Variants in EFNA5 observed in about 807,000 individuals in gnomAD.
EFNA5 encodes the protein ephrin-A5.
In EFNA5, 5 loss-of-function variants were observed where a neutral mutation model predicts 22.9. That is an observed-to-expected ratio of 0.22 (90% confidence interval 0.11 to 0.46). The LOEUF is 0.46. Ranked by LOEUF, EFNA5 falls within the 20% of genes least tolerant of loss-of-function variation. EFNA5 has a pLI of 0.99. For missense variants in EFNA5, 237 were observed against 293.3 expected (o/e 0.81, Z 1.40); for synonymous variants, 113 against 112.2 (o/e 1.01, Z -0.04).
Position 107,448,808 on chromosome 5 carries a change from T to C in EFNA5, c.126-21299A>G, listed in dbSNP as rs537007734. Among the ~76,000 whole-genome samples, 164 of 150,778 alleles carry C rather than the reference T, an allele frequency of 1.1e-3. 1 individual carries two copies. The highest frequency in any genetic ancestry group is 3.2e-3 in the African/African-American group (130 of 41,018). The stretch of plus-strand genomic sequence containing the variant: ...TCATGCCACTGCACTCCAGCCTGGG[T>C]GACAGTGTGAAACTCTGTCTCACAA... On this transcript the variant is annotated intron_variant, in intron 1 of 4. Coordinates refer to ENST00000333274, the MANE Select transcript of EFNA5 (RefSeq NM_001962.3).
intron 1 of EFNA5, among the ~76,000 whole-genome samples, chr5:107,541,896 T>G (rs2112460749): frequency 6.6e-6 from 1 of 152,358 alleles, no homozygotes; most frequent in African/African-American, 2.4e-5. Context: ...CTAAATTATT[T>G]TTGTATTGTA....
chr5:107,596,611 T>C (rs189755643), intron 1 of EFNA5, among the ~76,000 whole-genome samples: 252 of 152,262 alleles, frequency 1.7e-3, no homozygotes, highest in Middle Eastern at 0.01. Flanking sequence ...TGACTTTCCT[T>C]TTTTAAAAGT....
intron 1 of EFNA5, among the ~76,000 whole-genome samples, chr5:107,475,365 C>T (rs142478932): frequency 1.5e-4 from 23 of 152,250 alleles, no homozygotes; most frequent in African/African-American, 4.8e-4. Flanking sequence ...AAGTGTGAAA[C>T]GGCAGATGGT....
intron 1 of EFNA5, among the ~76,000 whole-genome samples, chr5:107,606,374 A>C (rs1749712915): frequency 6.6e-6 from 1 of 152,160 alleles, no homozygotes; most frequent in African/African-American, 2.4e-5. Context: ...TTCTCTTCCT[A>C]CTGGGTGAAT....
intron 2 of EFNA5, among the ~76,000 whole-genome samples, chr5:107,418,769 G>C (rs1292146015): frequency 6.6e-6 from 1 of 152,072 alleles, no homozygotes; most frequent in South Asian, 2.1e-4. Flanking sequence ...TAACTTTTAA[G>C]GCTCCTTTTG....
In EFNA5 at chr5:107,670,490, T is replaced by C; in HGVS notation, c.124A>G (p.Arg42Gly). The change falls in exon 1 of 5, where the codon AGA (arginine) becomes GGA (glycine). Residue 42 changes from arginine (R) to glycine (G), a missense_variant and splice_region_variant. Arg to Gly is a moderately radical substitution (Grantham distance 125). Coordinates refer to ENST00000333274, the MANE Select transcript of EFNA5 (RefSeq NM_001962.3). ...GCTCTCCGCCTGTTATCGGCTTACC[T>C]GGGGTTGCTGCTGTTCCAGTAGACA... ...YAVYWNSSNP[R>G]FQRGDYHIDV... The C allele has an allele frequency of 6.4e-7, 1 of 1,563,482 alleles. No individual in the cohort carries two copies. Among genetic ancestry groups the C allele is most frequent in the Non-Finnish European group, 8.7e-7 (1 of 1,152,876 alleles).
chr5:107,533,884 G>T (rs1747874252), intron 1 of EFNA5, among the ~76,000 whole-genome samples: 1 of 152,128 alleles, frequency 6.6e-6, no homozygotes, highest in South Asian at 2.1e-4. Context: ...ACAGTCATTA[G>T]ACAATAGTCA....
intron 1 of EFNA5, among the ~76,000 whole-genome samples, chr5:107,646,383 C>T (rs1466602888): frequency 2.0e-5 from 3 of 152,012 alleles, no homozygotes; most frequent in African/African-American, 7.2e-5. Flanking sequence ...ATACTATATG[C>T]TTAAAGGCAT....
intron 4 of EFNA5, among the ~76,000 whole-genome samples, chr5:107,382,557 G>A (rs1747498690): frequency 6.6e-6 from 1 of 152,024 alleles, no homozygotes; most frequent in Non-Finnish European, 1.5e-5. Flanking sequence ...AATTTTTAGA[G>A]AGACAGGGTT....
At chr5:107,415,908 G>C (rs1206351818) in intron 2 of EFNA5, among the ~76,000 whole-genome samples, 3 of 152,198 alleles carry the variant, frequency 2.0e-5, no homozygotes, top group Non-Finnish European at 4.4e-5. Flanking sequence ...ATGTTAACAA[G>C]CTGCAATGTT....
At chr5:107,494,745 C>A (rs765258104) in intron 1 of EFNA5, among the ~76,000 whole-genome samples, 43 of 152,184 alleles carry the variant, frequency 2.8e-4, no homozygotes, top group Admixed American at 5.9e-4. Flanking sequence ...TCTAGCTACT[C>A]TGGTGGGGCC....
chr5:107,440,981 A>G (rs1018669659), intron 1 of EFNA5, among the ~76,000 whole-genome samples: 1 of 151,550 alleles, frequency 6.6e-6, no homozygotes, highest in African/African-American at 2.4e-5. Flanking sequence ...TATCAAAATC[A>G]TACCCCATTT....
intron 1 of EFNA5, among the ~76,000 whole-genome samples, chr5:107,493,175 C>T (rs896452926): frequency 5.3e-5 from 8 of 150,822 alleles, no homozygotes; most frequent in Non-Finnish European, 8.9e-5. Context: ...TATTTGTTCA[C>T]TTTCTAGAGC....
intron 2 of EFNA5, among the ~76,000 whole-genome samples, chr5:107,412,847 T>C (rs1748405535): frequency 6.6e-6 from 1 of 152,214 alleles, no homozygotes; most frequent in South Asian, 2.1e-4. Context: ...TCTGCAAAGA[T>C]GGTAAGAAAA....
chr5:107,452,721 C>A (rs898732718), intron 1 of EFNA5, among the ~76,000 whole-genome samples: 1 of 152,050 alleles, frequency 6.6e-6, no homozygotes, highest in African/African-American at 2.4e-5. Context: ...CAGAATGAGA[C>A]CCTGTCTCAG....
intron 2 of EFNA5, among the ~76,000 whole-genome samples, chr5:107,391,042 C>T (rs1462040911): frequency 1.3e-5 from 2 of 152,104 alleles, no homozygotes; most frequent in Non-Finnish European, 1.5e-5. Context: ...ACTTGTAATC[C>T]CAGCTACTCG....
chr5:107,568,357 A>C (rs1024110832), intron 1 of EFNA5, among the ~76,000 whole-genome samples: 1 of 152,228 alleles, frequency 6.6e-6, no homozygotes, highest in Non-Finnish European at 1.5e-5. Flanking sequence ...AGAACAACCC[A>C]TGGGAAAGCC....
rs149028613 is a variant in EFNA5, at chr5:107,502,668, A to C, written c.126-75159T>G. Among the ~76,000 whole-genome samples, 435 of 152,300 alleles carry C rather than the reference A, an allele frequency of 2.9e-3. 5 individuals are homozygous for C. The highest frequency in any genetic ancestry group is 9.4e-3 in the African/African-American group (391 of 41,560). ...AACGTGGCCGTGCTCGAAGTGTATC[A>C]AACTATGACTTCTAAATTCCTTTCC... On this transcript the variant is annotated intron_variant, in intron 1 of 4. Transcript: ENST00000333274.
intron 1 of EFNA5, among the ~76,000 whole-genome samples, chr5:107,529,316 C>G (rs947842055): frequency 2.0e-5 from 3 of 152,066 alleles, no homozygotes; most frequent in East Asian, 1.9e-4. Flanking sequence ...TGAAGTCCCC[C>G]CTACCCAAGG....
Sources: gnomAD v4.1 joint callset for allele counts (sites outside exome capture counted in the v4.1 genomes callset) on GRCh38, gnomAD v4.1.1 for gene constraint, MANE v1.5 for transcripts, NCBI Gene and HGNC (gene_info 2026-07-23, HGNC 2026-07-21) for gene names.